The following PHF8 variants were observed in gnomAD, a reference collection of about 807,000 sequenced individuals.
PHF8 encodes PHD finger protein 8.
Under a neutral mutation model 74.4 loss-of-function variants are expected in PHF8, and 9 were observed. The observed-to-expected ratio is 0.12, with a 90% CI of 0.07 to 0.21. PHF8 has a LOEUF of 0.21. Among genes scored for constraint, PHF8 ranks in the 10% least tolerant of loss-of-function variants. The pLI, the probability that PHF8 is intolerant of heterozygous loss-of-function variation, is 1.00. For missense variants in PHF8, 478 were observed against 816.6 expected, an observed-to-expected ratio of 0.59 and a Z score of 5.05; for synonymous variants, 311 against 316.6, an observed-to-expected ratio of 0.98 and a Z score of 0.19.
chrX:54,016,955 A>G (rs781864681), intron 5 of PHF8, among the ~76,000 whole-genome samples: 1 of 112,467 alleles, frequency 8.9e-6, no homozygotes, highest in East Asian at 2.8e-4. Flanking sequence ...CCAGACACAC[A>G]GCCTCACACA....
At chrX:53,949,669 G>A (rs1002308582) in intron 19 of PHF8, among the ~76,000 whole-genome samples, 8 of 108,315 alleles carry the variant, frequency 7.4e-5, no homozygotes, top group South Asian at 4.1e-4. Flanking sequence ...AAAATTAGCC[G>A]GGCGTGGTGA....
In PHF8 at chrX:54,043,998, C is replaced by G; in HGVS notation, c.-329G>C. The G allele has an allele frequency of 1.3e-6, 1 of 755,060 alleles. No individual in the cohort carries two copies. Among genetic ancestry groups the G allele is most frequent in the Non-Finnish European group, 1.6e-6 (1 of 639,384 alleles). 62.2% of individuals were successfully genotyped at this position (755,060 alleles called of 1,213,427 possible). ...CCCCTACGGCGACGCGCGTCGAATT[C>G]TGGGATAGTCCCCGTACCGCCGGGA... On this transcript the variant is annotated 5_prime_UTR_variant, in exon 1 of 22. Transcript: ENST00000338154.
At chrX:54,009,927 T>C (rs1453299158) in intron 8 of PHF8, among the ~76,000 whole-genome samples, 7 of 70,184 alleles carry the variant, frequency 1.0e-4, no homozygotes, top group South Asian at 6.8e-4. Flanking sequence ...CTATAGAAAA[T>C]TGACACAAAC....
At chrX:53,986,297 A>G (rs782207958) in intron 16 of PHF8, among the ~76,000 whole-genome samples, 4 of 112,737 alleles carry the variant, frequency 3.5e-5, no homozygotes, top group Non-Finnish European at 7.5e-5. Flanking sequence ...GCTGGAGTGC[A>G]GTGGCACGAT....
intron 8 of PHF8, among the ~76,000 whole-genome samples, chrX:54,003,485 C>T (rs782582133): frequency 1.4e-4 from 16 of 111,158 alleles, no homozygotes; most frequent in Non-Finnish European, 3.0e-4. Context: ...GGCGAAACCC[C>T]GTCTCTACTA....
At chrX:54,044,583 C>G (rs2066615881), upstream of PHF8, 1 of 191,559 alleles carries the variant, frequency 5.2e-6, no homozygotes, top group Non-Finnish European at 8.0e-6. Flanking sequence ...CACCTTTGGA[C>G]CCGCTCGTCT....
intron 2 of PHF8, among the ~76,000 whole-genome samples, chrX:54,024,469 C>G (rs2066232570): frequency 8.9e-6 from 1 of 111,775 alleles, no homozygotes; most frequent in African/African-American, 3.3e-5. Flanking sequence ...CTCTGGACAC[C>G]TCTCTCTCCC....
intron 7 of PHF8, 67 bp downstream of exon 7, chrX:54,014,310 G>A: frequency 1.3e-6 from 1 of 746,265 alleles, no homozygotes; most frequent in Admixed American, 2.2e-5. Flanking sequence ...ATGTTTCTGT[G>A]CTGCCATGTG....
At chrX:54,018,387 T>G (rs1288295829) in intron 4 of PHF8, among the ~76,000 whole-genome samples, 1 of 108,573 alleles carries the variant, frequency 9.2e-6, no homozygotes, top group Non-Finnish European at 1.9e-5. Context: ...AACCCAGGAG[T>G]TGAGGTTACA....
At chrX:53,985,616 C>T (rs1176331844) in intron 17 of PHF8, 200 bp downstream of exon 17, 4 of 673,408 alleles carry the variant, frequency 5.9e-6, no homozygotes. Context: ...GAAGTCTATA[C>T]ATCTTATTGC....
At chrX:54,005,872 G>A (rs1236176031) in intron 8 of PHF8, among the ~76,000 whole-genome samples, 3 of 111,139 alleles carry the variant, frequency 2.7e-5, no homozygotes, top group Non-Finnish European at 3.8e-5. Context: ...AGAACTTGTC[G>A]ACAGTAGACC....
intron 2 of PHF8, among the ~76,000 whole-genome samples, chrX:54,031,910 G>T (rs782112821): frequency 9.0e-6 from 1 of 111,553 alleles, no homozygotes; most frequent in Non-Finnish European, 1.9e-5. Context: ...GATTCAGTAG[G>T]ACTGGGTTGG....
chrX:54,025,761 A>C (rs1557111299), intron 2 of PHF8, among the ~76,000 whole-genome samples: 1 of 111,489 alleles, frequency 9.0e-6, no homozygotes, highest in African/African-American at 3.3e-5. Context: ...TCTGACCACA[A>C]GTCTATCTAT....
At chrX:53,954,499 CAAAAAAAA>C (rs1180184175) in intron 19 of PHF8, among the ~76,000 whole-genome samples, 4 of 13,138 alleles carry the variant, frequency 3.0e-4, no homozygotes, top group African/African-American at 7.1e-4. Context: ...GACTCTGTCT[CAAAAAAAA>C]AAAAAAAAAA....
chrX:53,952,776 G>A (rs1360048695), intron 19 of PHF8, among the ~76,000 whole-genome samples: 2 of 107,934 alleles, frequency 1.9e-5, no homozygotes, highest in Non-Finnish European at 3.8e-5. Context: ...CCAACTACTC[G>A]GGAGGCTGAG....
intron 8 of PHF8, among the ~76,000 whole-genome samples, chrX:54,008,062 T>C (rs1193419607): frequency 1.8e-5 from 2 of 112,187 alleles, no homozygotes; most frequent in African/African-American, 3.2e-5. Context: ...CACAGAATAT[T>C]ATTCAGCTGT....
chrX:54,044,873 A>G, upstream of PHF8: 1 of 1,155,561 alleles, frequency 8.7e-7, no homozygotes, highest in Non-Finnish European at 1.2e-6. Flanking sequence ...CGGAGTACTC[A>G]CCGCGGCTCC....
At chrX:53,995,542 G>C in intron 12 of PHF8, 151 bp downstream of exon 12, 1 of 482,467 alleles carries the variant, frequency 2.1e-6, no homozygotes, top group Non-Finnish European at 3.7e-6. Flanking sequence ...TTGAAACACA[G>C]TAATAATTAT....
chrX:54,011,603 C>G (rs1230406818), intron 7 of PHF8, among the ~76,000 whole-genome samples: 1 of 111,682 alleles, frequency 9.0e-6, no homozygotes, highest in Non-Finnish European at 1.9e-5. Context: ...AGAATGGCCT[C>G]TACAGATGAG....
Sources: allele counts gnomAD v4.1 joint callset (sites outside exome capture counted in the v4.1 genomes callset), GRCh38; gene constraint gnomAD v4.1.1; transcripts MANE v1.5; gene names NCBI Gene and HGNC (gene_info 2026-07-23, HGNC 2026-07-21).